The following DIAPH2 variants were observed in gnomAD, a reference collection of about 807,000 sequenced individuals.
DIAPH2 encodes diaphanous related formin 2.
DIAPH2 carries 35 observed loss-of-function variants against 92.7 expected under a neutral mutation model. The ratio of observed to expected loss-of-function variants is 0.38; its 90% confidence interval spans 0.29 to 0.50. The LOEUF (loss-of-function observed/expected upper bound fraction) is 0.50. DIAPH2 is among the 20% of genes least tolerant of loss of function. The pLI, the probability that DIAPH2 is intolerant of heterozygous loss-of-function variation, is 0.94. For missense variants in DIAPH2, 701 were observed against 819.5 expected (o/e 0.86, Z 1.77); for synonymous variants, 301 against 280.4 (o/e 1.07, Z -0.73).
chrX:97,069,120 G>A (rs924868930), intron 17 of DIAPH2, among the ~76,000 whole-genome samples: 2 of 110,167 alleles, frequency 1.8e-5, no homozygotes, highest in African/African-American at 6.6e-5. Flanking sequence ...CCACCACCAC[G>A]CCCGGCTAAT....
At chrX:97,510,686 T>A (rs1285214715) in intron 26 of DIAPH2, among the ~76,000 whole-genome samples, 26 of 98,584 alleles carry the variant, frequency 2.6e-4, no homozygotes, top group African/African-American at 8.8e-4. Flanking sequence ...TAATTTTTGT[T>A]TAAGGTGTAA....
intron 23 of DIAPH2, among the ~76,000 whole-genome samples, chrX:97,300,931 TAAAAAAAAAAAAAAAAA>T (rs774601881): frequency 2.8e-4 from 3 of 10,791 alleles, no homozygotes; most frequent in Admixed American, 5.5e-3. Context: ...GACTCCGTCT[TAAAAAAAAAAAAAAAAA>T]AAAAAAAAAA....
Position 96,724,616 on chromosome X carries a change from A to T in DIAPH2, c.133-11142A>T, listed in dbSNP as rs186493524. 3.6e-5 allele frequency among the ~76,000 whole-genome samples: 4 copies of T among 111,864 alleles called. No homozygotes were observed. In the East Asian group the frequency reaches 1.1e-3, roughly 32 times the overall value. ...GTTTGAAGCCTTTGTTGGCATCAGC[A>T]AAGTCAAAGAGTTGTAGGCAAGGTT... On this transcript the variant is annotated intron_variant, in intron 1 of 26. Coordinates refer to ENST00000324765, the MANE Select transcript of DIAPH2 (RefSeq NM_006729.5).
chrX:97,185,458 T>TACAC (rs1261046031), intron 22 of DIAPH2, among the ~76,000 whole-genome samples: 929 of 41,219 alleles, frequency 0.023, 202 homozygotes, highest in African/African-American at 0.14. Flanking sequence ...TGTGTGTGTA[T>TACAC]ATATATATAT....
chrX:96,962,406 C>A (rs1206632544), intron 16 of DIAPH2, among the ~76,000 whole-genome samples: 1 of 53,264 alleles, frequency 1.9e-5, no homozygotes, highest in Non-Finnish European at 3.4e-5. Context: ...TATATATACA[C>A]ATATATATAT....
chrX:97,243,733 C>T (rs1407828001), intron 22 of DIAPH2, among the ~76,000 whole-genome samples: 1 of 111,483 alleles, frequency 9.0e-6, no homozygotes, highest in East Asian at 2.8e-4. Context: ...CGAACCACGT[C>T]TATATATTGT....
At chrX:96,741,081 A>G (rs2064116451) in intron 3 of DIAPH2, among the ~76,000 whole-genome samples, 1 of 108,674 alleles carries the variant, frequency 9.2e-6, no homozygotes, top group Non-Finnish European at 1.9e-5. Flanking sequence ...ACCTATCACC[A>G]TAGATGAAAT....
At chrX:97,139,861 AT>A (rs201212288) in intron 21 of DIAPH2, among the ~76,000 whole-genome samples, 6,950 of 110,819 alleles carry the variant, frequency 0.063, 216 homozygotes, top group Non-Finnish European at 0.091. Flanking sequence ...AAGAAAAAAA[AT>A]CACCCATAAA....
chrX:97,526,507 C>T (rs906294668), intron 26 of DIAPH2, among the ~76,000 whole-genome samples: 1 of 106,429 alleles, frequency 9.4e-6, no homozygotes, highest in Non-Finnish European at 1.9e-5. Flanking sequence ...CACTTGGTAA[C>T]AAAAGGTAAG....
intron 15 of DIAPH2, among the ~76,000 whole-genome samples, chrX:96,949,288 G>C (rs2065757584): frequency 9.0e-6 from 1 of 111,104 alleles, no homozygotes; most frequent in Admixed American, 9.6e-5. Flanking sequence ...ACAAGCAAAA[G>C]TGTTTTTGAG....
chrX:97,500,769 T>TATAC (rs1167369054), intron 26 of DIAPH2, among the ~76,000 whole-genome samples: 1 of 19,830 alleles, frequency 5.0e-5, no homozygotes, highest in Admixed American at 5.2e-4. Context: ...AGGAGATATA[T>TATAC]ATATATATAT....
intron 19 of DIAPH2, among the ~76,000 whole-genome samples, chrX:97,090,868 G>A (rs778127090): frequency 8.9e-6 from 1 of 111,783 alleles, no homozygotes; most frequent in African/African-American, 3.3e-5. Context: ...CCATGGGTGT[G>A]CACGTTACCA....
intron 26 of DIAPH2, among the ~76,000 whole-genome samples, chrX:97,572,071 C>T (rs2071373558): frequency 1.5e-5 from 1 of 67,985 alleles, no homozygotes; most frequent in African/African-American, 4.5e-5. Context: ...GTGCTAGTCT[C>T]CTGTGACTTC....
chrX:96,992,742 C>T (rs1365670057), intron 17 of DIAPH2, among the ~76,000 whole-genome samples: 1 of 112,194 alleles, frequency 8.9e-6, no homozygotes, highest in African/African-American at 3.2e-5. Flanking sequence ...CTGATTACAG[C>T]TCAGGGAATA....
intron 23 of DIAPH2, among the ~76,000 whole-genome samples, chrX:97,275,372 G>GCC (rs751179241): frequency 9.0e-5 from 9 of 99,817 alleles, no homozygotes; most frequent in African/African-American, 3.4e-4. Context: ...GGCGGGGGCT[G>GCC]CCCCCCCCAC....
At chrX:96,733,126 C>T (rs1350344588) in intron 1 of DIAPH2, among the ~76,000 whole-genome samples, 1 of 111,901 alleles carries the variant, frequency 8.9e-6, no homozygotes, top group African/African-American at 3.3e-5. Context: ...GTTAGGGTTA[C>T]ATCCCTAAAC....
chrX:97,079,200 A>AT (rs770863551), intron 19 of DIAPH2, among the ~76,000 whole-genome samples: 45 of 111,063 alleles, frequency 4.1e-4, no homozygotes, highest in African/African-American at 1.4e-3. Flanking sequence ...ACCCCTATAT[A>AT]CACCAGAAGT....
chrX:97,317,832 T>A (rs1384539975), intron 23 of DIAPH2, among the ~76,000 whole-genome samples: 2 of 112,034 alleles, frequency 1.8e-5, no homozygotes, highest in Admixed American at 9.5e-5. Context: ...AGAGATTTTT[T>A]AAATTATTTT....
intron 25 of DIAPH2, among the ~76,000 whole-genome samples, chrX:97,409,053 G>A (rs1458849352): frequency 8.9e-6 from 1 of 112,188 alleles, no homozygotes; most frequent in Admixed American, 9.5e-5. Flanking sequence ...AATCCATGTA[G>A]TAGTAATCCA....
Sources: gnomAD v4.1 joint callset for allele counts (sites outside exome capture counted in the v4.1 genomes callset) on GRCh38, gnomAD v4.1.1 for gene constraint, MANE v1.5 for transcripts, NCBI Gene and HGNC (gene_info 2026-07-23, HGNC 2026-07-21) for gene names.